The following CDK19 variants were observed in gnomAD, a reference collection of about 807,000 sequenced individuals.
The protein encoded by CDK19 is cyclin dependent kinase 19, also known as cyclin-dependent kinase 19.
In CDK19, 20 loss-of-function variants were observed where a neutral mutation model predicts 68.3. The observed-to-expected ratio is 0.29, with a 90% CI of 0.21 to 0.43. The LOEUF is 0.43. CDK19 is among the 20% of genes least tolerant of loss of function. The probability of loss-of-function intolerance (pLI) is 1.00; values close to 1 mark genes in which losing one functional copy is unlikely to be tolerated. For missense variants in CDK19, 339 were observed against 623.5 expected (o/e 0.54, Z 4.86); for synonymous variants, 221 against 222.8 (o/e 0.99, Z 0.07).
intron 1 of CDK19, among the ~76,000 whole-genome samples, chr6:110,782,451 T>G (rs75504431): frequency 6.6e-6 from 1 of 152,150 alleles, no homozygotes; most frequent in Non-Finnish European, 1.5e-5. Context: ...TCCTCGTCAT[T>G]CCTATTTGGA....
At chr6:110,722,695 G>A (rs1438453767) in intron 2 of CDK19, among the ~76,000 whole-genome samples, 1 of 151,948 alleles carries the variant, frequency 6.6e-6, no homozygotes, top group Non-Finnish European at 1.5e-5. Flanking sequence ...GGCAACATAA[G>A]GAGACCCAGT....
intron 2 of CDK19, among the ~76,000 whole-genome samples, chr6:110,680,052 G>A (rs1771881822): frequency 6.6e-6 from 1 of 152,170 alleles, no homozygotes; most frequent in Non-Finnish European, 1.5e-5. Context: ...TTTTCAAAAG[G>A]TGTTTTAAAT....
At chr6:110,759,927 CAAT>C (rs1204012886) in intron 1 of CDK19, among the ~76,000 whole-genome samples, 1 of 151,978 alleles carries the variant, frequency 6.6e-6, no homozygotes, top group Non-Finnish European at 1.5e-5. Flanking sequence ...GAATAAATAC[CAAT>C]AATAATGAGC....
chr6:110,806,706 T>C (rs898434352), intron 1 of CDK19, among the ~76,000 whole-genome samples: 3 of 151,948 alleles, frequency 2.0e-5, no homozygotes, highest in Admixed American at 1.3e-4. Context: ...GGCCAAGCAC[T>C]GTGGCTCACG....
At chr6:110,643,904 C>T (rs1410171189) in intron 4 of CDK19, among the ~76,000 whole-genome samples, 1 of 151,306 alleles carries the variant, frequency 6.6e-6, no homozygotes, top group Non-Finnish European at 1.5e-5. Context: ...TAGTGAGACC[C>T]CATCTCACTA....
chr6:110,697,437 G>A (rs574364763), intron 2 of CDK19, among the ~76,000 whole-genome samples: 4 of 152,094 alleles, frequency 2.6e-5, no homozygotes, highest in Non-Finnish European at 5.9e-5. Context: ...AACCAAGGGA[G>A]AAATATACCT....
intron 2 of CDK19, among the ~76,000 whole-genome samples, chr6:110,730,474 C>T (rs1776664663): frequency 6.6e-6 from 1 of 152,162 alleles, no homozygotes; most frequent in Non-Finnish European, 1.5e-5. Flanking sequence ...TATTTGATTT[C>T]ACTAACATAA....
At chr6:110,655,948 G>A (rs1781286072) in intron 4 of CDK19, among the ~76,000 whole-genome samples, 1 of 152,000 alleles carries the variant, frequency 6.6e-6, no homozygotes. Context: ...ACTACTTCTT[G>A]CCTTGTCCCA....
chr6:110,615,807 T>C (rs1778276394), intron 12 of CDK19, among the ~76,000 whole-genome samples: 1 of 152,252 alleles, frequency 6.6e-6, no homozygotes, highest in Non-Finnish European at 1.5e-5. Context: ...GTCATTGTTC[T>C]GGAGGTCAAT....
At chr6:110,762,353 T>A (rs1193617544) in intron 1 of CDK19, among the ~76,000 whole-genome samples, 1 of 152,158 alleles carries the variant, frequency 6.6e-6, no homozygotes, top group Non-Finnish European at 1.5e-5. Flanking sequence ...GTGAACACCC[T>A]AGCCTGAGGT....
chr6:110,668,219 C>T (rs1782066234), intron 3 of CDK19, among the ~76,000 whole-genome samples: 1 of 152,192 alleles, frequency 6.6e-6, no homozygotes, highest in Non-Finnish European at 1.5e-5. Flanking sequence ...CCTGCCCCCG[C>T]AGTGCTCCCA....
intron 1 of CDK19, among the ~76,000 whole-genome samples, chr6:110,761,040 G>T (rs1779193911): frequency 6.6e-6 from 1 of 152,178 alleles, no homozygotes; most frequent in African/African-American, 2.4e-5. Flanking sequence ...GTTAAAGCTG[G>T]AGAAGCAAGA....
chr6:110,803,665 A>G (rs1028032998), intron 1 of CDK19, among the ~76,000 whole-genome samples: 3 of 152,196 alleles, frequency 2.0e-5, no homozygotes, highest in African/African-American at 7.2e-5. Context: ...TTAAAATGCA[A>G]TTACAATAAC....
rs1184600783 is a variant in CDK19, at chr6:110,610,308, T to C, written c.*4227A>G. ...ATAGGAATATACAAACTAGGCAGTTTAGAAAGGATATACTACATAACATAT... is the reference window on the plus strand; with the variant it reads ...ATAGGAATATACAAACTAGGCAGTTCAGAAAGGATATACTACATAACATAT... On this transcript the variant is annotated 3_prime_UTR_variant, in exon 13 of 13. Transcript: ENST00000368911. 6.6e-6 allele frequency: 1 copy of C among 152,640 alleles called. No homozygotes were observed. The highest frequency in any genetic ancestry group is 2.4e-5 in the African/African-American group (1 of 41,452). 9.5% of individuals were successfully genotyped at this position (152,640 alleles called of 1,614,324 possible).
At chr6:110,618,979 C>CTTT (rs1282419893) in intron 12 of CDK19, among the ~76,000 whole-genome samples, 1 of 152,102 alleles carries the variant, frequency 6.6e-6, no homozygotes, top group African/African-American at 2.4e-5. Context: ...ATTAACCTGC[C>CTTT]TTTTGTGAGT....
At chr6:110,661,277 T>A (rs1781601180) in intron 4 of CDK19, among the ~76,000 whole-genome samples, 1 of 152,232 alleles carries the variant, frequency 6.6e-6, no homozygotes, top group Non-Finnish European at 1.5e-5. Context: ...AAGAGGTTAC[T>A]TCTGGATAGG....
intron 2 of CDK19, among the ~76,000 whole-genome samples, chr6:110,712,010 G>A (rs940474406): frequency 6.6e-6 from 1 of 152,172 alleles, no homozygotes; most frequent in Non-Finnish European, 1.5e-5. Flanking sequence ...ACTTCAGGTA[G>A]TTTTTGGTAC....
At position 110,657,728 on chromosome 6, in the gene CDK19, GT is replaced by G. The variant is rs140535346; in HGVS notation, c.456+9705del. ...GGTAAATAGTCTTCTTAATACATGT[GT>G]TTGTCAGCACAGGCCACTAAAACTT... On this transcript the variant is annotated intron_variant, in intron 4 of 12. Transcript: ENST00000368911. Among the ~76,000 whole-genome samples, 26 of 152,226 alleles carry G rather than the reference GT, an allele frequency of 1.7e-4. No individual in the cohort carries two copies. The East Asian group carries it at 1.9e-3, about 11-fold the overall frequency.
At chr6:110,777,761 G>C (rs1780511488) in intron 1 of CDK19, among the ~76,000 whole-genome samples, 1 of 152,202 alleles carries the variant, frequency 6.6e-6, no homozygotes, top group Non-Finnish European at 1.5e-5. Flanking sequence ...CTTAACGGAT[G>C]AGTGGACAAA....
Sources: allele counts gnomAD v4.1 joint callset (sites outside exome capture counted in the v4.1 genomes callset), GRCh38; gene constraint gnomAD v4.1.1; transcripts MANE v1.5; gene names NCBI Gene and HGNC (gene_info 2026-07-23, HGNC 2026-07-21).